Variants in JMJD1C observed in about 807,000 individuals in gnomAD.
JMJD1C encodes jumonji domain containing 1C.
JMJD1C carries 31 observed loss-of-function variants against 245.3 expected under a neutral mutation model. That is an observed-to-expected ratio of 0.13 (90% confidence interval 0.09 to 0.17). JMJD1C has a LOEUF of 0.17. Ranked by LOEUF, JMJD1C falls within the 10% of genes least tolerant of loss-of-function variation. JMJD1C has a pLI of 1.00. For missense variants in JMJD1C, 2,691 were observed against 3,000.2 expected (o/e 0.90, Z 2.41); for synonymous variants, 1,057 against 1,017.4 (o/e 1.04, Z -0.74).
At chr10:63,187,340 C>G (rs1471042693) in intron 18 of JMJD1C, among the ~76,000 whole-genome samples, 1 of 152,132 alleles carries the variant, frequency 6.6e-6, no homozygotes, top group Non-Finnish European at 1.5e-5. Flanking sequence ...TTAGGGTAAT[C>G]AGCAGCTTGT....
chr10:63,265,036 AATATGC>A (rs1341484914), intron 2 of JMJD1C, among the ~76,000 whole-genome samples: 3 of 152,284 alleles, frequency 2.0e-5, no homozygotes, highest in African/African-American at 7.2e-5. Flanking sequence ...GATGTAATAA[AATATGC>A]ATGTGTGTAA....
chr10:63,218,018 G>A (rs1848191125), intron 4 of JMJD1C, among the ~76,000 whole-genome samples: 1 of 151,990 alleles, frequency 6.6e-6, no homozygotes, highest in Non-Finnish European at 1.5e-5. Flanking sequence ...AGGATACTGA[G>A]ATGAAAACGA....
intron 3 of JMJD1C, among the ~76,000 whole-genome samples, chr10:63,263,115 G>T (rs1855005624): frequency 6.6e-6 from 1 of 151,970 alleles, no homozygotes; most frequent in East Asian, 1.9e-4. Flanking sequence ...TAAACTAAAT[G>T]GTATTCACAA....
chr10:63,452,130 A>T (rs535628126), intron 1 of JMJD1C, among the ~76,000 whole-genome samples: 1 of 152,342 alleles, frequency 6.6e-6, no homozygotes, highest in Non-Finnish European at 1.5e-5. Flanking sequence ...ATGCATCAAA[A>T]GACATTATCA....
intron 1 of JMJD1C, among the ~76,000 whole-genome samples, chr10:63,405,416 G>A (rs1283936548): frequency 1.3e-5 from 2 of 148,718 alleles, no homozygotes; most frequent in Admixed American, 1.4e-4. Flanking sequence ...TGCCTCCAAA[G>A]CTCAAGCGAT....
intron 1 of JMJD1C, chr10:63,382,729 T>A (rs891440179): frequency 1.5e-5 from 7 of 454,074 alleles, no homozygotes; most frequent in Admixed American, 7.1e-5. Context: ...TTCATTCTTT[T>A]GCGCTGGAAG....
In JMJD1C at chr10:63,297,154, G is replaced by A. The variant is rs762484440; in HGVS notation, c.334-32390C>T. Among the ~76,000 whole-genome samples the A allele has an allele frequency of 2.6e-5, 4 of 152,302 alleles. 1 individual carries two copies. The highest frequency in any genetic ancestry group is 3.9e-4 in the East Asian group (2 of 5,180). ...TAAAAACATTAAATAAACCAGGCGC[G>A]GTGGCTCACGCCTGTAATCCTACAA... On this transcript the variant is annotated intron_variant, in intron 2 of 25. Transcript: ENST00000399262.
intron 1 of JMJD1C, among the ~76,000 whole-genome samples, chr10:63,459,933 T>C (rs1952667400): frequency 6.6e-6 from 1 of 152,230 alleles, no homozygotes; most frequent in Non-Finnish European, 1.5e-5. Flanking sequence ...ACCGTGTCAA[T>C]ACTATTAACC....
chr10:63,304,663 A>T (rs1937762502), intron 2 of JMJD1C, among the ~76,000 whole-genome samples: 1 of 152,206 alleles, frequency 6.6e-6, no homozygotes, highest in African/African-American at 2.4e-5. Flanking sequence ...GTATAGTAAA[A>T]ACACTGGGAA....
intron 1 of JMJD1C, among the ~76,000 whole-genome samples, chr10:63,508,579 C>T (rs1954788749): frequency 6.6e-6 from 1 of 152,184 alleles, no homozygotes; most frequent in Admixed American, 6.5e-5. Flanking sequence ...GAAGAACTGA[C>T]ATTCTGATGA....
intron 10 of JMJD1C, among the ~76,000 whole-genome samples, chr10:63,201,899 C>T (rs7895610): frequency 0.43 from 64,256 of 150,092 alleles, 14,345 homozygotes; most frequent in South Asian, 0.53. Context: ...CACTGCACTC[C>T]AGCCTGGTGA....
chr10:63,451,911 T>A (rs1952094451), intron 1 of JMJD1C, among the ~76,000 whole-genome samples: 1 of 152,200 alleles, frequency 6.6e-6, no homozygotes, highest in African/African-American at 2.4e-5. Context: ...AGCTGGACCC[T>A]TATTTTACAC....
intron 2 of JMJD1C, among the ~76,000 whole-genome samples, chr10:63,275,044 T>C (rs1856654746): frequency 6.6e-6 from 1 of 152,152 alleles, no homozygotes; most frequent in Non-Finnish European, 1.5e-5. Flanking sequence ...AATATAGGTA[T>C]TTTTAAAAAA....
chr10:63,432,393 G>A (rs1427124579), intron 1 of JMJD1C, among the ~76,000 whole-genome samples: 1 of 152,044 alleles, frequency 6.6e-6, no homozygotes, highest in Non-Finnish European at 1.5e-5. Context: ...ATCATACTTG[G>A]TTGTGGTCAC....
chr10:63,450,515 G>T (rs974970673), intron 1 of JMJD1C, among the ~76,000 whole-genome samples: 1 of 151,966 alleles, frequency 6.6e-6, no homozygotes, highest in Non-Finnish European at 1.5e-5. Flanking sequence ...GGAATGCGAG[G>T]ATGGTTCAAC....
At position 63,213,693 on chromosome 10, in the gene JMJD1C, T is replaced by C; in HGVS notation, c.2474A>G (p.His825Arg). Residue 825 changes from histidine to arginine, a missense_variant, in exon 8 of 26, where the codon CAC becomes CGC. This residue lies in a region of JMJD1C where 1,562 missense variants were observed against 1,490.7 expected (regional missense o/e 1.05). Transcript: ENST00000399262. ...TTGTTGCTGGTGTGCTAGCGCTAAG[T>C]GGCTCAAGCTGCTGGCATGAGCACT... ...LESAHASSLS[H>R]LALAHQQQQQ... 6.2e-7 allele frequency: 1 copy of C among 1,614,200 alleles called. No homozygotes were observed.
chr10:63,503,892 T>C lies in JMJD1C; in HGVS notation n.113+17846A>G, dbSNP rs140713529. Reference sequence around the variant, plus strand: ...GTCTCCATCCTAGCCTCCTCTGGGATGTGGATCATTTTGATAGATTAAGCA... The same window carrying C: ...GTCTCCATCCTAGCCTCCTCTGGGACGTGGATCATTTTGATAGATTAAGCA... On this transcript the variant is annotated intron_variant and non_coding_transcript_variant, in intron 1 of 3. Coordinates refer to the JMJD1C transcript ENST00000633035. 4.8e-3 allele frequency among the ~76,000 whole-genome samples: 733 copies of C among 152,314 alleles called. 2 individuals are homozygous for C. Among genetic ancestry groups the C allele is most frequent in the Non-Finnish European group, 7.7e-3 (521 of 68,016 alleles).
chr10:63,278,917 T>C (rs1857105701), intron 2 of JMJD1C, among the ~76,000 whole-genome samples: 2 of 152,062 alleles, frequency 1.3e-5, no homozygotes, highest in Admixed American at 6.6e-5. Context: ...ATATACTCAT[T>C]ATCGCTTGAA....
At chr10:63,226,572 G>C (rs1849302495) in intron 3 of JMJD1C, among the ~76,000 whole-genome samples, 1 of 151,660 alleles carries the variant, frequency 6.6e-6, no homozygotes, top group Non-Finnish European at 1.5e-5. Context: ...TATCAGCCAG[G>C]CATGGTGGGG....
Sources: allele counts gnomAD v4.1 joint callset (sites outside exome capture counted in the v4.1 genomes callset), GRCh38; gene constraint gnomAD v4.1.1; regional missense constraint gnomAD v4.1.1; transcripts MANE v1.5; gene names NCBI Gene and HGNC (gene_info 2026-07-23, HGNC 2026-07-21).